The following ZNF600 variants were observed in gnomAD, a reference collection of about 807,000 sequenced individuals.
ZNF600 encodes the protein zinc finger protein 600, also known as zinc finger protein KR-ZNF1.
A neutral mutation model predicts 7.3 loss-of-function variants in ZNF600; 4 were observed. The ratio of observed to expected loss-of-function variants is 0.55; its 90% CI spans 0.27 to 1.25. ZNF600 has a LOEUF of 1.25. Ranked by LOEUF, ZNF600 falls within the 50% of genes most tolerant of loss-of-function variation. The pLI, the probability that ZNF600 is intolerant of heterozygous loss-of-function variation, is 0.12. For missense variants in ZNF600, 911 were observed against 922.1 expected (o/e 0.99, Z 0.16); for synonymous variants, 290 against 308.9 (o/e 0.94, Z 0.64).
At chr19:52,769,951 A>G (rs1170167803) in intron 3 of ZNF600, among the ~76,000 whole-genome samples, 1 of 152,228 alleles carries the variant, frequency 6.6e-6, no homozygotes, top group Non-Finnish European at 1.5e-5. Context: ...TTAATAAAAT[A>G]TTGTAACCCA....
exon 4 of ZNF600, chr19:52,767,577 A>C (rs113852572): frequency 6.2e-7 from 1 of 1,613,774 alleles, no homozygotes; most frequent in Non-Finnish European, 8.5e-7. Context: ...TATTTTTGTC[A>C]TGGGTGCTTC....
chr19:52,774,474 G>C (rs878896810), intron 3 of ZNF600, 101 bp downstream of exon 5: 1 of 713,950 alleles, frequency 1.4e-6, no homozygotes, highest in Non-Finnish European at 1.6e-6. Flanking sequence ...AAAAAAAAAA[G>C]CCATGCATGG....
the ZNF600 span, chr19:52,817,948 G>A: frequency 6.2e-7 from 1 of 1,610,882 alleles, no homozygotes; most frequent in Non-Finnish European, 8.5e-7. Context: ...TCTCACCTGA[G>A]GAAGAGCCAT....
exon 4 of ZNF600, chr19:52,767,322 T>C (rs2062593425): frequency 1.9e-6 from 3 of 1,614,152 alleles, no homozygotes; most frequent in Non-Finnish European, 2.5e-6. Flanking sequence ...TAGTGAAGAA[T>C]TCGGGGAATT....
intron 2 of ZNF600, among the ~76,000 whole-genome samples, chr19:52,776,328 A>G (rs1182621362): frequency 6.6e-6 from 1 of 152,154 alleles, no homozygotes; most frequent in East Asian, 1.9e-4. Context: ...AATGTGACAA[A>G]GGTCCAAGGG....
At chr19:52,785,994 G>T (rs1218065374) in intron 1 of ZNF600, among the ~76,000 whole-genome samples, 1 of 151,832 alleles carries the variant, frequency 6.6e-6, no homozygotes, top group African/African-American at 2.4e-5. Context: ...CATCTGTTAT[G>T]GGCCTTTCTC....
chr19:52,787,869 AAAG>A (rs1485212857), upstream of ZNF600, among the ~76,000 whole-genome samples: 23 of 103,482 alleles, frequency 2.2e-4, 2 homozygotes, highest in Non-Finnish European at 3.0e-4. Context: ...CAAAAAAAAA[AAAG>A]AAAAAGAAAA....
chr19:52,824,959 CGGTGGTGCACA>C, the ZNF600 span, among the ~76,000 whole-genome samples: 1 of 152,204 alleles, frequency 6.6e-6, no homozygotes, highest in South Asian at 2.1e-4. Context: ...TAGCTGGACA[CGGTGGTGCACA>C]CCTGTAGTTC....
At chr19:52,779,631 A>T (rs757534196) in intron 1 of ZNF600, among the ~76,000 whole-genome samples, 1 of 152,204 alleles carries the variant, frequency 6.6e-6, no homozygotes, top group Non-Finnish European at 1.5e-5. Flanking sequence ...ACTAAGCAAA[A>T]GGGAGAAGTC....
chr19:52,785,683 C>G (rs2062757775), intron 1 of ZNF600, among the ~76,000 whole-genome samples: 1 of 152,050 alleles, frequency 6.6e-6, no homozygotes, highest in Non-Finnish European at 1.5e-5. Context: ...TTATACCCCT[C>G]TGTCCCCACT....
chr19:52,829,852 C>T, the ZNF600 span, among the ~76,000 whole-genome samples: 1 of 152,030 alleles, frequency 6.6e-6, no homozygotes, highest in Non-Finnish European at 1.5e-5. Flanking sequence ...ATGACGGAGA[C>T]AGGAAAAGGA....
chr19:52,827,500 T>A, the ZNF600 span, among the ~76,000 whole-genome samples: 1 of 151,942 alleles, frequency 6.6e-6, no homozygotes, highest in Non-Finnish European at 1.5e-5. Context: ...TCCATCCATG[T>A]CTGGTGTGAG....
At chr19:52,768,294 C>T (rs2062605149) in intron 3 of ZNF600, among the ~76,000 whole-genome samples, 1 of 151,416 alleles carries the variant, frequency 6.6e-6, no homozygotes, top group Admixed American at 6.6e-5. Flanking sequence ...CAAAAATTAA[C>T]CAGGTGTGCT....
At chr19:52,806,035 G>A in the ZNF600 span, 1 of 152,126 alleles carries the variant, frequency 6.6e-6, no homozygotes, top group Non-Finnish European at 1.5e-5. Context: ...ACTGGCATAT[G>A]TATACCTTCA....
chr19:52,802,235 G>A, the ZNF600 span, among the ~76,000 whole-genome samples: 32 of 152,284 alleles, frequency 2.1e-4, no homozygotes, highest in African/African-American at 6.7e-4. Context: ...CAGGTATGGT[G>A]GCCCGTGCCT....
In ZNF600 at chr19:52,767,439, T is replaced by C. The variant is rs116231027; in HGVS notation, c.524A>G (p.Lys175Arg). The stretch of plus-strand genomic sequence containing the variant: ...AGACTTCTCAAATTGATTACCAATT[T>C]TACCTTTGATCTGAATTATGTGGAG... The change falls in exon 4 of 4, where the codon AAA (lysine) becomes AGA (arginine). Residue 175 changes from lysine to arginine, a missense_variant. Lys to Arg is a conservative substitution (Grantham distance 26). Transcript: ENST00000648973. 5,418 of 1,614,140 alleles carry C rather than the reference T, an allele frequency of 3.4e-3. 166 individuals are homozygous for C. In the African/African-American group the frequency reaches 0.064, roughly 19 times the overall value.
chr19:52,779,185 T>C (rs1215644503), intron 1 of ZNF600, among the ~76,000 whole-genome samples: 1 of 152,070 alleles, frequency 6.6e-6, no homozygotes, highest in African/African-American at 2.4e-5. Flanking sequence ...CACAAACCCA[T>C]CCTTCATCAA....
At chr19:52,804,990 C>T in the ZNF600 span, among the ~76,000 whole-genome samples, 2 of 152,154 alleles carry the variant, frequency 1.3e-5, no homozygotes, top group African/African-American at 4.8e-5. Flanking sequence ...TGAGACAGGC[C>T]AGGTGCGGTG....
intron 3 of ZNF600, among the ~76,000 whole-genome samples, chr19:52,772,022 G>C (rs1236295638): frequency 6.6e-6 from 1 of 152,230 alleles, no homozygotes; most frequent in African/African-American, 2.4e-5. Flanking sequence ...AGGAAGTTGA[G>C]TGTGTACTAT....
Sources: gnomAD v4.1 joint callset for allele counts (sites outside exome capture counted in the v4.1 genomes callset) on GRCh38, gnomAD v4.1.1 for gene constraint, MANE v1.5 for transcripts, NCBI Gene and HGNC (gene_info 2026-07-23, HGNC 2026-07-21) for gene names.